Variants in KCNQ1 observed in about 807,000 individuals in gnomAD.
The protein encoded by KCNQ1 is potassium voltage-gated channel subfamily Q member 1, also known as potassium voltage-gated channel subfamily KQT member 1.
In KCNQ1, 49 loss-of-function variants were observed where a neutral mutation model predicts 72.4. The observed-to-expected ratio is 0.68, with a 90% CI of 0.54 to 0.86. The LOEUF is 0.86. Among genes scored for constraint, KCNQ1 ranks in the 40% least tolerant of loss-of-function variants. KCNQ1 has a pLI of 0.00. For synonymous variants in KCNQ1, 450 were observed against 412.6 expected, an observed-to-expected ratio of 1.09 and a Z score of -1.10; for missense variants, 790 against 945.1, an observed-to-expected ratio of 0.84 and a Z score of 2.15.
rs1051051420 is a variant in KCNQ1 at position 2,724,987 on chromosome 11, C to A, written c.1515-43857C>A. Among the ~76,000 whole-genome samples, 1 of 152,106 alleles carries A rather than the reference C, an allele frequency of 6.6e-6. No individual in the cohort carries two copies. The highest frequency in any genetic ancestry group is 2.4e-5 in the African/African-American group (1 of 41,430). On this transcript the variant is annotated intron_variant, in intron 11 of 15. Transcript: ENST00000155840. This position sits in a 1 kb window ranked among gnomAD's most constrained non-coding sequence, Gnocchi z 6.8. ...GCTATCAGGAGCCACTGGATTGGAACTTGGTGTGCCACCAGGGTCCCTGTC... is the reference window on the plus strand; with the variant it reads ...GCTATCAGGAGCCACTGGATTGGAAATTGGTGTGCCACCAGGGTCCCTGTC...
At position 2,579,431 on chromosome 11, in the gene KCNQ1, A is replaced by G. The variant is rs1422176444; in HGVS notation, c.922-4004A>G. 6.6e-6 allele frequency among the ~76,000 whole-genome samples: 1 copy of G among 152,200 alleles called. No individual in the cohort carries two copies. The highest frequency in any genetic ancestry group is 6.5e-5 in the Admixed American group (1 of 15,294). On this transcript the variant is annotated intron_variant, in intron 6 of 15. Transcript: ENST00000155840. The surrounding 1 kb of genome is among the most constrained non-coding windows in gnomAD (Gnocchi z 6.0). ...GCCTCATATGGCTGGTGCCCTGGCA[A>G]GGAGCCACGGCCCAGGAGACAGACA...
At chr11:2,633,833 C>A in intron 10 of KCNQ1, 1 of 398,584 alleles carries the variant, frequency 2.5e-6, no homozygotes, top group South Asian at 1.3e-4. Flanking sequence ...ATATTCAAGT[C>A]CCAGAGTCAG....
intron 10 of KCNQ1, among the ~76,000 whole-genome samples, 192 bp downstream of exon 10, chr11:2,589,046 G>A (rs905142940): frequency 3.3e-5 from 5 of 152,198 alleles, no homozygotes; most frequent in Non-Finnish European, 5.9e-5. Context: ...TCTTCCCAAG[G>A]AGGAGCTGGC....
Position 2,659,806 on chromosome 11 carries a change from G to A in KCNQ1, c.1394-2155G>A. 2.5e-6 allele frequency: 1 copy of A among 398,272 alleles called. No homozygotes were observed. The highest frequency in any genetic ancestry group is 4.4e-6 in the Non-Finnish European group (1 of 225,960). 24.7% of individuals were successfully genotyped at this position (398,272 alleles called of 1,614,324 possible). ...TTTTTTTAATTTATGGAATTTCATTGTGATTCTAATTTGCATTTCCATATT... is the reference window on the plus strand; with the variant it reads ...TTTTTTTAATTTATGGAATTTCATTATGATTCTAATTTGCATTTCCATATT... On this transcript the variant is annotated intron_variant, in intron 10 of 15. Transcript: ENST00000155840. The surrounding 1 kb of genome is among the most constrained non-coding windows in gnomAD (Gnocchi z 4.3).
Position 2,652,977 on chromosome 11 carries a change from CTG to C in KCNQ1, c.1394-8980_1394-8979del, listed in dbSNP as rs1429741818. ...TCAGGATTCCGGAAGTCATCTTTGA[CTG>C]TGTCACATCACTGTCATGCTTGAGG... is the stretch of plus-strand genomic sequence containing the variant. On this transcript the variant is annotated intron_variant, in intron 10 of 15. Coordinates refer to ENST00000155840, the MANE Select transcript of KCNQ1 (RefSeq NM_000218.3). This position sits in a 1 kb window ranked among gnomAD's most constrained non-coding sequence, Gnocchi z 5.9. 2 of 398,702 alleles carry C rather than the reference CTG, an allele frequency of 5.0e-6. No individual in the cohort carries two copies. The highest frequency in any genetic ancestry group is 4.4e-6 in the Non-Finnish European group (1 of 226,090). 24.7% of individuals were successfully genotyped at this position (398,702 alleles called of 1,614,324 possible).
rs188089172 is a variant in KCNQ1, at chr11:2,649,221, A to G, written c.1394-12740A>G. ...TAAATTACCTACATTCAAGATTGTTATCAATAGGTGAGGACTTACTCCTGT... is the reference window on the plus strand; with the variant it reads ...TAAATTACCTACATTCAAGATTGTTGTCAATAGGTGAGGACTTACTCCTGT... On this transcript the variant is annotated intron_variant, in intron 10 of 15. Coordinates refer to ENST00000155840, the MANE Select transcript of KCNQ1 (RefSeq NM_000218.3). The G allele has an allele frequency of 9.4e-4, 374 of 398,276 alleles. No individual in the cohort carries two copies. Among genetic ancestry groups the G allele is most frequent in the Non-Finnish European group, 1.5e-3 (347 of 225,960 alleles). The allele number at this position is 398,276 out of a possible 1,614,324, so 24.7% of individuals were successfully genotyped here.
At chr11:2,554,985 G>A (rs1021028732) in intron 2 of KCNQ1, among the ~76,000 whole-genome samples, 24 of 152,180 alleles carry the variant, frequency 1.6e-4, no homozygotes, top group Admixed American at 3.3e-4. Flanking sequence ...AGACAGGCCC[G>A]TGTGCACACA....
At chr11:2,650,107 A>G (rs1308397571) in intron 10 of KCNQ1, 3 of 398,086 alleles carry the variant, frequency 7.5e-6, no homozygotes, top group Non-Finnish European at 1.3e-5. Context: ...TATTTCATTC[A>G]TTTAATTTAT....
Position 2,787,086 on chromosome 11 carries a change from GC to G in KCNQ1, c.1794+9051del, listed in dbSNP as rs1321516551. Among the ~76,000 whole-genome samples, 4 of 151,792 alleles carry G rather than the reference GC, an allele frequency of 2.6e-5. No individual in the cohort carries two copies. The highest frequency in any genetic ancestry group is 4.8e-5 in the African/African-American group (2 of 41,298). ...CCATTGCCACATATGTGGGTGTACT[GC>G]CAGCCTGGACTTTTAATTCTAGGCT... On this transcript the variant is annotated intron_variant, in intron 15 of 15. Coordinates refer to ENST00000155840, the MANE Select transcript of KCNQ1 (RefSeq NM_000218.3). The surrounding 1 kb of genome is among the most constrained non-coding windows in gnomAD (Gnocchi z 6.3).
At position 2,592,543 on chromosome 11, in the gene KCNQ1, G is replaced by A. The variant is rs1021506855; in HGVS notation, c.1393+3689G>A. Among the ~76,000 whole-genome samples the A allele has an allele frequency of 9.2e-5, 14 of 152,202 alleles. No homozygotes were observed. The highest frequency in any genetic ancestry group is 2.7e-4 in the African/African-American group (11 of 41,456). On this transcript the variant is annotated intron_variant, in intron 10 of 15. Transcript: ENST00000155840. This position sits in a 1 kb window ranked among gnomAD's most constrained non-coding sequence, Gnocchi z 5.2. ...GGGAATGTCAGCAGCCACCCAGCCC[G>A]AGAGCCAGAGCACAGCAGGGGCTGG...
intron 11 of KCNQ1, among the ~76,000 whole-genome samples, chr11:2,700,893 GACAAAAGCCTGGGTC>G (rs1242401455): frequency 1.3e-5 from 2 of 152,222 alleles, no homozygotes; most frequent in African/African-American, 4.8e-5. Context: ...AAACTCCGGG[GACAAAAGCCTGGGTC>G]ACAAAAGCCC....
At chr11:2,459,764 G>C (rs1846247619) in intron 1 of KCNQ1, among the ~76,000 whole-genome samples, 2 of 152,128 alleles carry the variant, frequency 1.3e-5, no homozygotes, top group Non-Finnish European at 2.9e-5. Context: ...GGGTCTCAGA[G>C]GTAGATGAAT....
In KCNQ1 at chr11:2,519,313, G is replaced by C. The variant is rs548501579; in HGVS notation, c.387-8615G>C. The stretch of plus-strand genomic sequence containing the variant: ...ATGCCCTGTGGGCTGAATGGTGAGA[G>C]AGGCGTCCCTGTGCTGACACCAGTG... On this transcript the variant is annotated intron_variant, in intron 1 of 15. Transcript: ENST00000155840. Among the ~76,000 whole-genome samples, 11 of 152,370 alleles carry C rather than the reference G, an allele frequency of 7.2e-5. No individual in the cohort carries two copies. The East Asian group carries it at 1.2e-3, about 16-fold the overall frequency.
rs774725539 is a variant in KCNQ1 at position 2,601,085 on chromosome 11, T to TAA, written c.1393+12245_1393+12246dup. Among the ~76,000 whole-genome samples, 3,383 of 139,060 alleles carry TAA rather than the reference T, an allele frequency of 0.024. 111 individuals carry two copies. The highest frequency in any genetic ancestry group is 0.074 in the African/African-American group (2,842 of 38,532). 91.2% of individuals were successfully genotyped at this position (139,060 alleles called of 152,430 possible). On this transcript the variant is annotated intron_variant, in intron 10 of 15. Coordinates refer to ENST00000155840, the MANE Select transcript of KCNQ1 (RefSeq NM_000218.3). This position sits in a 1 kb window ranked among gnomAD's most constrained non-coding sequence, Gnocchi z 5.2. ...GCCATGCATATACCCTGCTACTTGT[T>TAA]AAAAAAAAAAAAAAAGTCTCTCCAG...
rs572000677 is a variant in KCNQ1, at chr11:2,701,539, C to G, written c.1514+39458C>G. Among the ~76,000 whole-genome samples the G allele has an allele frequency of 5.9e-5, 9 of 152,340 alleles. No individual in the cohort carries two copies. In the South Asian group the frequency reaches 1.7e-3, roughly 28 times the overall value. On this transcript the variant is annotated intron_variant, in intron 11 of 15. Transcript: ENST00000155840. ...TCAGAGCCAGTGCTCAGGTGCACCC[C>G]AGACTCAGGGTTTCACGCTATAATG...
chr11:2,584,447 G>GTGTT (rs1238933100), intron 7 of KCNQ1, among the ~76,000 whole-genome samples: 1 of 151,394 alleles, frequency 6.6e-6, no homozygotes, highest in Non-Finnish European at 1.5e-5. Context: ...GCGTTAGTTT[G>GTGTT]TGTTTGTGTG....
intron 15 of KCNQ1, among the ~76,000 whole-genome samples, chr11:2,799,775 A>G (rs1040179968): frequency 2.0e-5 from 3 of 152,076 alleles, no homozygotes; most frequent in African/African-American, 7.2e-5. Context: ...TGGAATCGGG[A>G]ACATTTAGAG....
intron 1 of KCNQ1, among the ~76,000 whole-genome samples, chr11:2,502,487 G>A (rs1263929032): frequency 6.6e-6 from 1 of 152,138 alleles, no homozygotes; most frequent in Non-Finnish European, 1.5e-5. Context: ...CCAAAGAAGT[G>A]AGAGATCTCT....
rs1849906811 is a variant in KCNQ1, at chr11:2,659,228, T to C, written c.1394-2733T>C. The C allele has an allele frequency of 2.5e-6, 1 of 398,640 alleles. No individual in the cohort carries two copies. Among genetic ancestry groups the C allele is most frequent in the Non-Finnish European group, 4.4e-6 (1 of 226,062 alleles). The allele number at this position is 398,640 out of a possible 1,614,324, so 24.7% of individuals were successfully genotyped here. A position where few individuals can be genotyped will look rare whatever the true frequency, so the allele number is the denominator to read the frequency against. On this transcript the variant is annotated intron_variant, in intron 10 of 15. Transcript: ENST00000155840. The surrounding 1 kb of genome is among the most constrained non-coding windows in gnomAD (Gnocchi z 4.3). ...ATCATTCACAGAAGTTCCATACCCC[T>C]AAAAATACCCTGGGGTGAGTCTTTT...
Sources: allele counts gnomAD v4.1 joint callset (sites outside exome capture counted in the v4.1 genomes callset), GRCh38; gene constraint gnomAD v4.1.1; non-coding constraint Gnocchi (gnomAD v3.1); transcripts MANE v1.5; gene names NCBI Gene and HGNC (gene_info 2026-07-23, HGNC 2026-07-21).